NOX3: variants seen among roughly 807,000 people sequenced by gnomAD.
The protein encoded by NOX3 is NADPH oxidase 3.
A neutral mutation model predicts 76.7 loss-of-function variants in NOX3; 74 were observed. The observed-to-expected ratio is 0.96, with a 90% CI of 0.80 to 1.17. NOX3 has a LOEUF of 1.17. Among genes scored for constraint, NOX3 ranks in the 50% most tolerant of loss-of-function variants. The pLI is 0.00. For missense variants in NOX3, 695 were observed against 703.3 expected, an observed-to-expected ratio of 0.99 and a Z score of 0.13; for synonymous variants, 263 against 261.1, an observed-to-expected ratio of 1.01 and a Z score of -0.07.
Position 155,440,042 on chromosome 6 carries a change from G to A in NOX3, c.582C>T (p.Phe194=). The A allele has an allele frequency of 6.2e-7, 1 of 1,614,008 alleles. No individual in the cohort carries two copies. The highest frequency in any genetic ancestry group is 8.5e-7 in the Non-Finnish European group (1 of 1,179,956). The part of the protein sequence containing the change: ...LVLIMTSSTE[F]IRQASYELFW... ...ACAACTCATAGGAGGCCTGTCTGATGAACTCAGTTGACGAGGTCATGATCA... is the reference window on the plus strand; with the variant it reads ...ACAACTCATAGGAGGCCTGTCTGATAAACTCAGTTGACGAGGTCATGATCA... The change falls in exon 6 of 14, where the codon TTC becomes TTT. Residue 194 remains phenylalanine (F), a synonymous_variant. Transcript: ENST00000159060.
At chr6:155,405,970 A>G (rs1776452371) in intron 12 of NOX3, among the ~76,000 whole-genome samples, 2 of 152,236 alleles carry the variant, frequency 1.3e-5, no homozygotes, top group East Asian at 3.9e-4. Flanking sequence ...CTCCTACAGC[A>G]TGGCTCTTGC....
At chr6:155,399,831 G>T (rs1011466443) in intron 12 of NOX3, among the ~76,000 whole-genome samples, 2 of 151,648 alleles carry the variant, frequency 1.3e-5, no homozygotes, top group Non-Finnish European at 2.9e-5. Context: ...ACCCACAATC[G>T]CTTGGAATTA....
chr6:155,429,369 G>C (rs1217386371), intron 8 of NOX3, among the ~76,000 whole-genome samples: 1 of 152,148 alleles, frequency 6.6e-6, no homozygotes, highest in Non-Finnish European at 1.5e-5. Flanking sequence ...GACAGTAGAA[G>C]CTTGCATATT....
At chr6:155,397,400 G>C (rs1419170161) in intron 12 of NOX3, among the ~76,000 whole-genome samples, 1 of 152,196 alleles carries the variant, frequency 6.6e-6, no homozygotes, top group East Asian at 1.9e-4. Flanking sequence ...GCCTGGACTT[G>C]ACCTCCTTTT....
intron 10 of NOX3, among the ~76,000 whole-genome samples, chr6:155,416,545 A>G (rs899430557): frequency 1.3e-5 from 2 of 152,212 alleles, no homozygotes; most frequent in Admixed American, 1.3e-4. Context: ...CTGGTGAACC[A>G]TTATAAGGCC....
At chr6:155,425,627 T>C (rs1008250327) in intron 9 of NOX3, among the ~76,000 whole-genome samples, 11 of 152,182 alleles carry the variant, frequency 7.2e-5, no homozygotes, top group African/African-American at 2.7e-4. Context: ...AAGTATTATG[T>C]TAAGTGTTTT....
Position 155,396,947 on chromosome 6 carries a change from C to T in NOX3, c.1596G>A (p.Val532=), listed in dbSNP as rs1276337590. ...AGAGAGCTTTAGGTCCACAGAAGAA[C>T]ACGCCAATACTGCTGCTGCAGTAGG... ...AYNHPSSSIG[V]FFCGPKALSR... The change falls in exon 13 of 14, where the codon GTG becomes GTA. Residue 532 remains valine (V), a synonymous_variant. Transcript: ENST00000159060. 1 of 1,610,044 alleles carries T rather than the reference C, an allele frequency of 6.2e-7. No individual in the cohort carries two copies. Among genetic ancestry groups the T allele is most frequent in the Non-Finnish European group, 8.5e-7 (1 of 1,178,442 alleles).
chr6:155,403,731 T>C (rs1365652913), intron 12 of NOX3, among the ~76,000 whole-genome samples: 1 of 152,110 alleles, frequency 6.6e-6, no homozygotes, highest in East Asian at 1.9e-4. Flanking sequence ...TGCGAAAAAA[T>C]TGGACAGGCC....
chr6:155,440,867 C>T (rs776781467), intron 5 of NOX3, among the ~76,000 whole-genome samples: 1 of 152,042 alleles, frequency 6.6e-6, no homozygotes, highest in Non-Finnish European at 1.5e-5. Context: ...TGAGAGGTCC[C>T]TTGGGGCGTT....
At chr6:155,416,131 A>G (rs1562461449) in intron 10 of NOX3, among the ~76,000 whole-genome samples, 1 of 152,316 alleles carries the variant, frequency 6.6e-6, no homozygotes, top group South Asian at 2.1e-4. Context: ...CACCTTGACC[A>G]TCGCCTCCTC....
chr6:155,401,790 C>CAA (rs5881135), intron 12 of NOX3, among the ~76,000 whole-genome samples: 2 of 99,350 alleles, frequency 2.0e-5, no homozygotes, highest in African/African-American at 3.2e-5. Context: ...ACTGAAATTA[C>CAA]AAAAAAAAAA....
At chr6:155,448,013 A>G (rs796352510) in intron 4 of NOX3, among the ~76,000 whole-genome samples, 2 of 152,308 alleles carry the variant, frequency 1.3e-5, no homozygotes, top group African/African-American at 4.8e-5. Context: ...TAAAACAGTG[A>G]TATGGTTTGA....
chr6:155,452,638 C>CTT (rs34384795), intron 4 of NOX3, among the ~76,000 whole-genome samples: 1,635 of 149,508 alleles, frequency 0.011, 22 homozygotes, highest in African/African-American at 0.033. Flanking sequence ...TTTTACTCTG[C>CTT]TTTTTTTTTT....
chr6:155,434,501 G>T (rs983358262), intron 7 of NOX3, among the ~76,000 whole-genome samples: 1 of 152,168 alleles, frequency 6.6e-6, no homozygotes, highest in African/African-American at 2.4e-5. Flanking sequence ...GAAGGATGGG[G>T]TTGGACCGAG....
Position 155,428,962 on chromosome 6 carries a change from T to G in NOX3, c.977A>C (p.Gln326Pro), listed in dbSNP as rs746511479. 12 of 1,614,004 alleles carry G rather than the reference T, an allele frequency of 7.4e-6. No homozygotes were observed. Among genetic ancestry groups the G allele is most frequent in the Non-Finnish European group, 1.0e-5 (12 of 1,179,966 alleles). Residue 326 changes from glutamine (Q) to proline (P), a missense_variant, in exon 9 of 14, where the codon CAG (glutamine) becomes CCG (proline). Physicochemically the swap from Gln to Pro is moderately conservative, Grantham distance 76 (BLOSUM62 -1). Coordinates refer to ENST00000159060, the MANE Select transcript of NOX3 (RefSeq NM_015718.3). ...KMAPGQYILV[Q>P]CPAISSLEWH... ...CTCCAGCGAAGATATGGCTGGGCAC[T>G]GCACCAAGATGTACTGCCCTGGCGC... is the stretch of plus-strand genomic sequence containing the variant.
chr6:155,407,087 C>T, intron 12 of NOX3, 43 bp downstream of exon 12: 3 of 1,612,200 alleles, frequency 1.9e-6, no homozygotes, highest in Non-Finnish European at 2.5e-6. Flanking sequence ...TGCATTTCTC[C>T]AGAGAAGAGC....
In NOX3 at chr6:155,396,802, C is replaced by T; in HGVS notation, c.*27+7G>A. 6.3e-7 allele frequency: 1 copy of T among 1,592,326 alleles called. No individual in the cohort carries two copies. The highest frequency in any genetic ancestry group is 8.6e-7 in the Non-Finnish European group (1 of 1,168,872). On this transcript the variant is annotated splice_region_variant and intron_variant, in intron 13 of 13. Transcript: ENST00000159060. ...AATCCCTGACCTGTATGATTGCAGC[C>T]ACTTACACAATGCCTGGACTTGACC... is the stretch of plus-strand genomic sequence containing the variant.
chr6:155,443,967 A>G (rs917008361), intron 4 of NOX3, among the ~76,000 whole-genome samples: 2 of 152,218 alleles, frequency 1.3e-5, no homozygotes, highest in Admixed American at 1.3e-4. Flanking sequence ...TTATATATGA[A>G]ATAATTCTAA....
At chr6:155,425,758 T>C (rs191154520) in intron 9 of NOX3, among the ~76,000 whole-genome samples, 1 of 152,324 alleles carries the variant, frequency 6.6e-6, no homozygotes, top group East Asian at 1.9e-4. Flanking sequence ...CACACAAAGT[T>C]GGGCTTTGAA....
Sources: gnomAD v4.1 joint callset for allele counts (sites outside exome capture counted in the v4.1 genomes callset) on GRCh38, gnomAD v4.1.1 for gene constraint, MANE v1.5 for transcripts, NCBI Gene and HGNC (gene_info 2026-07-23, HGNC 2026-07-21) for gene names.